SORCS3: variants seen among roughly 807,000 people sequenced by gnomAD.
SORCS3 encodes the protein sortilin related VPS10 domain containing receptor 3.
A neutral mutation model predicts 146.3 loss-of-function variants in SORCS3; 57 were observed. That is an observed-to-expected ratio of 0.39 (90% CI 0.31 to 0.49). The LOEUF (loss-of-function observed/expected upper bound fraction) is 0.49, where lower values mean the gene tolerates loss of function less well. Among genes scored for constraint, SORCS3 ranks in the 20% least tolerant of loss-of-function variants. The pLI, the probability that SORCS3 is intolerant of heterozygous loss-of-function variation, is 0.92. For missense variants in SORCS3, 1,341 were observed against 1,575.5 expected (o/e 0.85, Z 2.52); for synonymous variants, 653 against 618.5 (o/e 1.06, Z -0.83).
At chr10:104,713,128 CGTGTGT>C (rs5787541) in intron 1 of SORCS3, among the ~76,000 whole-genome samples, 6 of 150,130 alleles carry the variant, frequency 4.0e-5, no homozygotes, top group African/African-American at 9.8e-5. Flanking sequence ...AGTGTGTGTG[CGTGTGT>C]GTGTGTGTGT....
intron 2 of SORCS3, among the ~76,000 whole-genome samples, chr10:104,874,118 A>G (rs2133569993): frequency 6.6e-6 from 1 of 152,316 alleles, no homozygotes; most frequent in Middle Eastern, 3.4e-3. Flanking sequence ...TCACATTAAT[A>G]AGGGTGAAAA....
intron 1 of SORCS3, among the ~76,000 whole-genome samples, chr10:104,649,332 G>T (rs2015532233): frequency 6.6e-6 from 1 of 152,344 alleles, no homozygotes; most frequent in East Asian, 1.9e-4. Flanking sequence ...AAAAAAGGGA[G>T]TGATGATATA....
chr10:105,040,934 C>T (rs2055333833), intron 4 of SORCS3, among the ~76,000 whole-genome samples: 2 of 150,246 alleles, frequency 1.3e-5, no homozygotes, highest in Non-Finnish European at 3.0e-5. Context: ...CACCAAGCAT[C>T]AGTACCTTCA....
chr10:104,877,270 T>C (rs1349414562), intron 2 of SORCS3, among the ~76,000 whole-genome samples: 2 of 152,170 alleles, frequency 1.3e-5, no homozygotes, highest in Non-Finnish European at 2.9e-5. Context: ...TTATTTCGTC[T>C]TAAATGTCTT....
rs567419042 is a variant in SORCS3 at position 105,206,967 on chromosome 10, A to G, written c.2262-4170A>G. Among the ~76,000 whole-genome samples the G allele has an allele frequency of 4.6e-5, 7 of 152,222 alleles. No homozygotes were observed. In the East Asian group the frequency reaches 1.2e-3, roughly 25 times the overall value. On this transcript the variant is annotated intron_variant, in intron 16 of 26. Coordinates refer to ENST00000369701, the MANE Select transcript of SORCS3 (RefSeq NM_014978.3). The stretch of plus-strand genomic sequence containing the variant: ...GAATCAGGGAGGCTGTGATATGGCT[A>G]TGAGTGGTCTGAGAGCCCCTGCAGC...
intron 2 of SORCS3, among the ~76,000 whole-genome samples, chr10:104,893,051 A>G (rs1365541141): frequency 6.6e-6 from 1 of 152,014 alleles, no homozygotes; most frequent in Non-Finnish European, 1.5e-5. Context: ...ACCCTCTCTC[A>G]GTCTCTGTCA....
intron 1 of SORCS3, among the ~76,000 whole-genome samples, chr10:104,814,121 C>T (rs1361980459): frequency 2.0e-5 from 3 of 152,062 alleles, no homozygotes; most frequent in African/African-American, 7.2e-5. Context: ...GCTAGTCACT[C>T]ACAGCAGTGG....
intron 3 of SORCS3, among the ~76,000 whole-genome samples, chr10:104,940,839 T>C (rs1220964213): frequency 1.3e-5 from 2 of 152,048 alleles, no homozygotes; most frequent in Admixed American, 1.3e-4. Flanking sequence ...TTCAATGCCA[T>C]CTCCATCAAG....
intron 1 of SORCS3, chr10:104,665,052 A>T (rs181942125): frequency 1.8e-4 from 28 of 152,730 alleles, no homozygotes. Flanking sequence ...AGAGCCTTCC[A>T]GCTGTCTGGC....
chr10:104,855,501 A>AT (rs2018320619), intron 2 of SORCS3, among the ~76,000 whole-genome samples: 1 of 152,164 alleles, frequency 6.6e-6, no homozygotes, highest in African/African-American at 2.4e-5. Context: ...TCAGCATTTT[A>AT]TAGTTTTCAC....
intron 7 of SORCS3, among the ~76,000 whole-genome samples, chr10:105,136,602 C>G (rs2056060456): frequency 1.3e-5 from 2 of 152,124 alleles, no homozygotes. Context: ...ATGAAAAGAA[C>G]AAAGTTCAGT....
At chr10:105,135,831 A>C (rs1031562076) in intron 7 of SORCS3, among the ~76,000 whole-genome samples, 1 of 152,154 alleles carries the variant, frequency 6.6e-6, no homozygotes, top group African/African-American at 2.4e-5. Flanking sequence ...TTTCCATCTA[A>C]GACTTCAACA....
chr10:105,129,653 C>G (rs147090086), intron 7 of SORCS3, among the ~76,000 whole-genome samples: 138 of 116,924 alleles, frequency 1.2e-3, no homozygotes, highest in African/African-American at 4.3e-3. Flanking sequence ...GCTTTTTTAC[C>G]CACTCAAATA....
intron 1 of SORCS3, among the ~76,000 whole-genome samples, chr10:104,816,081 A>G (rs1247671292): frequency 6.6e-6 from 1 of 152,206 alleles, no homozygotes; most frequent in Non-Finnish European, 1.5e-5. Flanking sequence ...AATTATTTCC[A>G]TGGAATATAA....
chr10:104,837,076 C>G (rs2018078239), intron 1 of SORCS3, among the ~76,000 whole-genome samples: 1 of 152,144 alleles, frequency 6.6e-6, no homozygotes, highest in South Asian at 2.1e-4. Flanking sequence ...CATTTATCAT[C>G]TCATCCCTTC....
At chr10:104,814,558 C>T (rs138414521) in intron 1 of SORCS3, among the ~76,000 whole-genome samples, 29 of 152,290 alleles carry the variant, frequency 1.9e-4, no homozygotes, top group African/African-American at 7.0e-4. Flanking sequence ...TAGAACTCAA[C>T]TTGGACATCA....
intron 25 of SORCS3, among the ~76,000 whole-genome samples, chr10:105,260,524 G>A (rs1230492685): frequency 6.6e-6 from 1 of 152,074 alleles, no homozygotes; most frequent in Non-Finnish European, 1.5e-5. Flanking sequence ...GACCAGTAGG[G>A]GTCATGGGGA....
intron 3 of SORCS3, among the ~76,000 whole-genome samples, chr10:104,969,567 C>T (rs543926767): frequency 1.7e-4 from 26 of 152,134 alleles, no homozygotes; most frequent in Admixed American, 1.6e-3. Flanking sequence ...TTTCATTCTT[C>T]TCAAAAAGTT....
At chr10:104,700,406 T>C (rs1417749402) in intron 1 of SORCS3, among the ~76,000 whole-genome samples, 1 of 146,378 alleles carries the variant, frequency 6.8e-6, no homozygotes, top group Non-Finnish European at 1.6e-5. Flanking sequence ...AGACTCCATG[T>C]GATGGGAAAC....
Sources: allele counts gnomAD v4.1 joint callset (sites outside exome capture counted in the v4.1 genomes callset), GRCh38; gene constraint gnomAD v4.1.1; transcripts MANE v1.5; gene names NCBI Gene and HGNC (gene_info 2026-07-23, HGNC 2026-07-21).